The following DNAH6 variants were observed in gnomAD, a reference collection of about 807,000 sequenced individuals.
The protein encoded by DNAH6 is dynein axonemal heavy chain 6, also known as axonemal beta dynein heavy chain 6.
A neutral mutation model predicts 491.4 loss-of-function variants in DNAH6; 340 were observed. The ratio of observed to expected loss-of-function variants is 0.69; its 90% CI spans 0.63 to 0.76. DNAH6 has a LOEUF of 0.76. DNAH6 is among the 30% of genes least tolerant of loss of function. DNAH6 has a pLI of 0.00. For missense variants in DNAH6, 4,443 were observed against 4,972.2 expected (o/e 0.89, Z 3.20); for synonymous variants, 1,603 against 1,686.1 (o/e 0.95, Z 1.21).
rs146429064 is a variant in DNAH6 at position 84,558,198 on chromosome 2, C to T, written c.1803+263C>T. Among the ~76,000 whole-genome samples, 494 of 152,052 alleles carry T rather than the reference C, an allele frequency of 3.2e-3. 5 individuals carry two copies. Among genetic ancestry groups the T allele is most frequent in the African/African-American group, 0.012 (478 of 41,484 alleles). On this transcript the variant is annotated intron_variant, in intron 11 of 76. Transcript: ENST00000389394. ...ATCCCAGCACTTTGGGAGACCGAGG[C>T]GGGCAGATCACGAGGTCAGGAGATC... is the stretch of plus-strand genomic sequence containing the variant.
chr2:84,696,567 G>A (rs988436062), intron 46 of DNAH6, among the ~76,000 whole-genome samples: 1 of 151,878 alleles, frequency 6.6e-6, no homozygotes, highest in Admixed American at 6.6e-5. Flanking sequence ...ACAAGATAAA[G>A]CAAAAATAAA....
Position 84,688,473 on chromosome 2 carries a change from A to C in DNAH6, c.7172A>C (p.Asp2391Ala). The C allele has an allele frequency of 6.5e-7, 1 of 1,536,506 alleles. No individual in the cohort carries two copies. ...GADKADRIYD[D>A]MPDIEKTANV... ...GATAAAGCTGATCGGATTTATGATG[A>C]CATGCCTGATATAGAGAAAACTGCA... is the stretch of plus-strand genomic sequence containing the variant. Residue 2391 changes from aspartate (D) to alanine (A), a missense_variant, in exon 45 of 77, where the codon GAC becomes GCC. Physicochemically the swap from Asp to Ala is moderately radical, Grantham distance 126. This residue lies in a region of DNAH6 where 2,977 missense variants were observed against 3,296.6 expected (regional missense o/e 0.90). Coordinates refer to ENST00000389394, the MANE Select transcript of DNAH6 (RefSeq NM_001370.2).
At chr2:84,773,028 G>T (rs1675777478) in intron 64 of DNAH6, among the ~76,000 whole-genome samples, 1 of 151,966 alleles carries the variant, frequency 6.6e-6, no homozygotes, top group Non-Finnish European at 1.5e-5. Flanking sequence ...GAAATAAAAT[G>T]ATACACTTTT....
chr2:84,567,240 G>A (rs3886211), intron 11 of DNAH6, among the ~76,000 whole-genome samples: 25,610 of 151,716 alleles, frequency 0.17, 3,283 homozygotes, highest in East Asian at 0.64. Flanking sequence ...TAGAGAGAGG[G>A]GAAACCAAAA....
the DNAH6 span, among the ~76,000 whole-genome samples, chr2:84,481,286 G>A: frequency 6.6e-6 from 1 of 152,146 alleles, no homozygotes; most frequent in Non-Finnish European, 1.5e-5. Context: ...TTTAGGCAAA[G>A]ACTTTCAAAT....
chr2:84,615,004 G>A (rs1686706811), intron 22 of DNAH6, among the ~76,000 whole-genome samples: 1 of 151,930 alleles, frequency 6.6e-6, no homozygotes, highest in Admixed American at 6.6e-5. Flanking sequence ...TTCTTTTGCT[G>A]TGCAGAAGCT....
At chr2:84,515,295 C>T (rs376146056), upstream of DNAH6, among the ~76,000 whole-genome samples, 2 of 152,278 alleles carry the variant, frequency 1.3e-5, no homozygotes, top group South Asian at 2.1e-4. Context: ...TACTCTCTTG[C>T]TGTTTCCAGT....
chr2:84,604,614 C>A (rs181989916), intron 19 of DNAH6, 63 bp downstream of exon 19: 3 of 1,271,176 alleles, frequency 2.4e-6, no homozygotes, highest in Non-Finnish European at 3.3e-6. Context: ...TCAGATTCAA[C>A]ATTTGGTGAT....
intron 4 of DNAH6, among the ~76,000 whole-genome samples, chr2:84,539,133 C>G (rs1412063327): frequency 6.6e-6 from 1 of 152,028 alleles, no homozygotes; most frequent in Non-Finnish European, 1.5e-5. Flanking sequence ...AAATTTGAGT[C>G]AGCAAGTGGA....
intron 33 of DNAH6, among the ~76,000 whole-genome samples, chr2:84,648,267 A>G (rs901619507): frequency 4.6e-5 from 7 of 152,214 alleles, no homozygotes; most frequent in African/African-American, 1.7e-4. Context: ...CCTCTGAGGG[A>G]GATGTACAAG....
intron 2 of DNAH6, among the ~76,000 whole-genome samples, chr2:84,524,837 A>G (rs1252747590): frequency 1.3e-5 from 2 of 152,062 alleles, no homozygotes; most frequent in African/African-American, 2.4e-5. Context: ...ATTTAGCACT[A>G]TTACATAACT....
the DNAH6 span, chr2:84,459,808 G>A: frequency 3.9e-5 from 6 of 152,774 alleles, no homozygotes; most frequent in African/African-American, 1.4e-4. Flanking sequence ...TTGCCGCTGG[G>A]GACGGGAATT....
At chr2:84,548,158 G>A (rs1204641095) in intron 7 of DNAH6, 130 bp from the exon 8 acceptor site, 1 of 965,666 alleles carries the variant, frequency 1.0e-6, no homozygotes, top group Non-Finnish European at 1.5e-6. Flanking sequence ...TGTTTTTCAG[G>A]TTTGAATTGC....
intron 20 of DNAH6, among the ~76,000 whole-genome samples, chr2:84,606,727 G>C (rs879264393): frequency 6.6e-6 from 1 of 152,132 alleles, no homozygotes; most frequent in Admixed American, 6.5e-5. Flanking sequence ...AAAAACTTGT[G>C]CCATTATTAA....
At chr2:84,547,642 A>C in intron 7 of DNAH6, 30 bp downstream of exon 7, 3 of 1,537,366 alleles carry the variant, frequency 2.0e-6, no homozygotes, top group Non-Finnish European at 2.6e-6. Context: ...TCAATATATC[A>C]GAAGTGGTGG....
the DNAH6 span, among the ~76,000 whole-genome samples, chr2:84,479,883 A>G: frequency 1.3e-5 from 2 of 152,354 alleles, no homozygotes; most frequent in South Asian, 4.1e-4. Flanking sequence ...AGGCTCCACC[A>G]TTCATCTTCT....
chr2:84,473,345 A>G, the DNAH6 span, among the ~76,000 whole-genome samples: 48 of 152,340 alleles, frequency 3.2e-4, no homozygotes, highest in African/African-American at 1.1e-3. Context: ...CTAGCACAGC[A>G]ATTTGGTCTA....
chr2:84,653,241 T>C, intron 33 of DNAH6, 78 bp from the exon 34 acceptor site: 1 of 1,180,844 alleles, frequency 8.5e-7, no homozygotes, highest in Non-Finnish European at 1.2e-6. Flanking sequence ...AGACTCATAA[T>C]ATTTCATTGA....
chr2:84,711,770 A>G (rs1337480385), intron 56 of DNAH6, among the ~76,000 whole-genome samples: 1 of 152,234 alleles, frequency 6.6e-6, no homozygotes, highest in Non-Finnish European at 1.5e-5. Flanking sequence ...AGTGTGACCA[A>G]GCTTGGCCTT....
Sources: gnomAD v4.1 joint callset for allele counts (sites outside exome capture counted in the v4.1 genomes callset) on GRCh38, gnomAD v4.1.1 for gene constraint, gnomAD v4.1.1 regional missense constraint, MANE v1.5 for transcripts, NCBI Gene and HGNC (gene_info 2026-07-23, HGNC 2026-07-21) for gene names.